Variants in BCAS3 observed in about 807,000 individuals in gnomAD.
The protein encoded by BCAS3 is BCAS3 microtubule associated cell migration factor, also known as BCAS4/BCAS3 fusion.
In BCAS3, 53 loss-of-function variants were observed where a neutral mutation model predicts 116.1. The observed-to-expected ratio is 0.46, with a 90% confidence interval of 0.37 to 0.57. The LOEUF (loss-of-function observed/expected upper bound fraction) is 0.57. BCAS3 is among the 20% of genes least tolerant of loss of function. The pLI, the probability that BCAS3 is intolerant of heterozygous loss-of-function variation, is 0.00. For synonymous variants in BCAS3, 391 were observed against 408.2 expected (o/e 0.96, Z 0.51); for missense variants, 917 against 1,165.4 (o/e 0.79, Z 3.10).
rs144760223 is a variant in BCAS3, at chr17:61,298,791, A to ATTATTTAT, written c.2426-69510_2426-69503dup. On this transcript the variant is annotated intron_variant, in intron 22 of 23. Transcript: ENST00000407086. ...TTCCAGTTCAAAGTAGTCACATGCCATTATTTATTTATTTATTTATTTATT... is the reference window on the plus strand; with the variant it reads ...TTCCAGTTCAAAGTAGTCACATGCCATTATTTATTTATTTATTTATTTATTTATTTATT... 7.8e-4 allele frequency among the ~76,000 whole-genome samples: 114 copies of ATTATTTAT among 145,432 alleles called. No homozygotes were observed. In the South Asian group the frequency reaches 8.4e-3, roughly 11 times the overall value.
intron 22 of BCAS3, among the ~76,000 whole-genome samples, chr17:61,187,390 G>A (rs1368835911): frequency 6.6e-6 from 1 of 152,212 alleles, no homozygotes; most frequent in Non-Finnish European, 1.5e-5. Context: ...GTAAAAGAGA[G>A]CATGGATATG....
intron 19 of BCAS3, among the ~76,000 whole-genome samples, chr17:61,050,249 G>A (rs1483195728): frequency 6.6e-6 from 1 of 151,870 alleles, no homozygotes; most frequent in Non-Finnish European, 1.5e-5. Flanking sequence ...CACTGGGAAT[G>A]GTGAAAAACG....
At chr17:61,148,394 A>G (rs1374159118) in intron 22 of BCAS3, among the ~76,000 whole-genome samples, 2 of 152,216 alleles carry the variant, frequency 1.3e-5, no homozygotes, top group African/African-American at 4.8e-5. Flanking sequence ...AAACCACTTC[A>G]TGGAACATTC....
intron 22 of BCAS3, among the ~76,000 whole-genome samples, chr17:61,299,442 CAAAAAAAAA>C (rs538072648): frequency 8.7e-5 from 5 of 57,152 alleles, no homozygotes; most frequent in Admixed American, 2.1e-4. Context: ...GACTCCATCT[CAAAAAAAAA>C]AAAAAAAAAA....
At chr17:60,859,332 C>T (rs2053960017) in intron 7 of BCAS3, among the ~76,000 whole-genome samples, 1 of 151,962 alleles carries the variant, frequency 6.6e-6, no homozygotes, top group Non-Finnish European at 1.5e-5. Context: ...TTTTTTGATC[C>T]TCACTCTACT....
intron 13 of BCAS3, among the ~76,000 whole-genome samples, chr17:60,934,832 G>T (rs2059833014): frequency 6.6e-6 from 1 of 152,056 alleles, no homozygotes; most frequent in Admixed American, 6.6e-5. Context: ...ATGAAGAGTG[G>T]GTGCAGGAAC....
rs886503489 is a variant in BCAS3, at chr17:61,007,761, A to G, written c.1487-7990A>G. On this transcript the variant is annotated intron_variant, in intron 15 of 23. Transcript: ENST00000407086. The surrounding 1 kb of genome is among the most constrained non-coding windows in gnomAD (Gnocchi z 4.3). ...TGTTTTCAAGTCCATTTTGTGGGAG[A>G]TTTCTCTAATCTTCCTACCTTCTCA... Among the ~76,000 whole-genome samples, 1 of 151,590 alleles carries G rather than the reference A, an allele frequency of 6.6e-6. No homozygotes were observed. Among genetic ancestry groups the G allele is most frequent in the Admixed American group, 6.6e-5 (1 of 15,192 alleles).
chr17:60,823,970 C>G (rs760004522), intron 7 of BCAS3, among the ~76,000 whole-genome samples: 2 of 152,174 alleles, frequency 1.3e-5, no homozygotes, highest in Non-Finnish European at 2.9e-5. Flanking sequence ...CACCTGACTA[C>G]TACCTTCCAA....
At chr17:60,927,457 A>G (rs1599742038) in intron 13 of BCAS3, among the ~76,000 whole-genome samples, 2 of 152,182 alleles carry the variant, frequency 1.3e-5, no homozygotes, top group South Asian at 4.1e-4. Flanking sequence ...GGGTTTCACC[A>G]TGTTGGCTAG....
At position 61,302,027 on chromosome 17, in the gene BCAS3, T is replaced by C. The variant is rs1413393507; in HGVS notation, c.2426-66300T>C. 1.3e-5 allele frequency among the ~76,000 whole-genome samples: 2 copies of C among 152,234 alleles called. No individual in the cohort carries two copies. Among genetic ancestry groups the C allele is most frequent in the Admixed American group, 1.3e-4 (2 of 15,286 alleles). On this transcript the variant is annotated intron_variant, in intron 22 of 23. Coordinates refer to ENST00000407086, the MANE Select transcript of BCAS3 (RefSeq NM_017679.5). This position sits in a 1 kb window ranked among gnomAD's most constrained non-coding sequence, Gnocchi z 4.4. ...CCACTTTGAACGCTTATTCCCATTC[T>C]GCAGAGACCCAGTGGCTTGCTGAGG...
intron 22 of BCAS3, among the ~76,000 whole-genome samples, chr17:61,147,714 C>T (rs1434389124): frequency 6.6e-6 from 1 of 151,364 alleles, no homozygotes; most frequent in Non-Finnish European, 1.5e-5. Context: ...GGGCGGGGCA[C>T]CGTGGCTCAC....
intron 7 of BCAS3, among the ~76,000 whole-genome samples, chr17:60,815,967 T>C (rs2049349702): frequency 6.6e-6 from 1 of 152,216 alleles, no homozygotes; most frequent in African/African-American, 2.4e-5. Flanking sequence ...GTTATACTCA[T>C]CCTTTATTTT....
At position 61,282,678 on chromosome 17, in the gene BCAS3, C is replaced by T. The variant is rs142236265; in HGVS notation, c.2426-85649C>T. ...GGGGTGTTTGAAAAAGAAGGAAGCC[C>T]ATCAACACAGAGGATTATGAATCAG... On this transcript the variant is annotated intron_variant, in intron 22 of 23. Coordinates refer to ENST00000407086, the MANE Select transcript of BCAS3 (RefSeq NM_017679.5). The surrounding 1 kb of genome is among the most constrained non-coding windows in gnomAD (Gnocchi z 5.9). Among the ~76,000 whole-genome samples, 1,020 of 152,252 alleles carry T rather than the reference C, an allele frequency of 6.7e-3. 7 individuals are homozygous for T. Among genetic ancestry groups the T allele is most frequent in the South Asian group, 0.013 (65 of 4,824 alleles).
intron 4 of BCAS3, among the ~76,000 whole-genome samples, chr17:60,690,803 C>T (rs1483771496): frequency 2.7e-5 from 4 of 148,950 alleles, no homozygotes; most frequent in Non-Finnish European, 1.5e-5. Context: ...TCCTGCAGCC[C>T]TAGCTGCTCA....
Position 61,271,589 on chromosome 17 carries a change from C to CTGTGTGTGTGTGTG in BCAS3, c.2426-96706_2426-96693dup, listed in dbSNP as rs34693526. 2.3e-4 allele frequency among the ~76,000 whole-genome samples: 27 copies of CTGTGTGTGTGTGTG among 118,432 alleles called. 1 individual carries two copies. Among genetic ancestry groups the CTGTGTGTGTGTGTG allele is most frequent in the East Asian group, 1.3e-3 (5 of 3,800 alleles). 77.7% of individuals were successfully genotyped at this position (118,432 alleles called of 152,430 possible). A position where few individuals can be genotyped will look rare whatever the true frequency, so the allele number is the denominator to read the frequency against. On this transcript the variant is annotated intron_variant, in intron 22 of 23. Transcript: ENST00000407086. Reference sequence around the variant, plus strand: ...CAGGCGCCCGCCATCACGCCCAGCTCTGTGTGTGTGTGTGTGTGTGTGTGT... The same window carrying CTGTGTGTGTGTGTG: ...CAGGCGCCCGCCATCACGCCCAGCTCTGTGTGTGTGTGTGTGTGTGTGTGTGTGTGTGTGTGTGT...
At chr17:60,741,015 T>C (rs960346620) in intron 5 of BCAS3, among the ~76,000 whole-genome samples, 34 of 152,174 alleles carry the variant, frequency 2.2e-4, no homozygotes, top group Admixed American at 1.3e-4. Flanking sequence ...CAATTTTTAA[T>C]TTTTACATTT....
rs544044891 is a variant in BCAS3 at position 61,088,278 on chromosome 17, A to C, written c.2425+3714A>C. On this transcript the variant is annotated intron_variant, in intron 22 of 23. Coordinates refer to ENST00000407086, the MANE Select transcript of BCAS3 (RefSeq NM_017679.5). The surrounding 1 kb of genome is among the most constrained non-coding windows in gnomAD (Gnocchi z 4.2). ...AGATGTTCCATTGTTGGCTGAGGAG[A>C]TCATTTTGGAAATGGACACATTATA... 5.3e-4 allele frequency among the ~76,000 whole-genome samples: 81 copies of C among 152,328 alleles called. No homozygotes were observed. Among genetic ancestry groups the C allele is most frequent in the South Asian group, 1.0e-3 (5 of 4,824 alleles).
At chr17:60,705,205 C>T (rs1293771307) in intron 4 of BCAS3, among the ~76,000 whole-genome samples, 1 of 152,036 alleles carries the variant, frequency 6.6e-6, no homozygotes, top group South Asian at 2.1e-4. Flanking sequence ...ACAGGATTTA[C>T]GATAGATACC....
chr17:61,163,885 C>G (rs9892127), intron 22 of BCAS3, among the ~76,000 whole-genome samples: 1 of 151,378 alleles, frequency 6.6e-6, no homozygotes, highest in Non-Finnish European at 1.5e-5. Flanking sequence ...ACTCGGGAGT[C>G]TGAGCCAGGA....
Sources: allele counts gnomAD v4.1 joint callset (sites outside exome capture counted in the v4.1 genomes callset), GRCh38; gene constraint gnomAD v4.1.1; non-coding constraint Gnocchi (gnomAD v3.1); transcripts MANE v1.5; gene names NCBI Gene and HGNC (gene_info 2026-07-23, HGNC 2026-07-21).